Variants in ALKBH8 observed in about 807,000 individuals in gnomAD.
ALKBH8 encodes the protein alkB homolog 8, tRNA methyltransferase.
ALKBH8 carries 36 observed loss-of-function variants against 59.8 expected under a neutral mutation model. The observed-to-expected ratio is 0.60, with a 90% CI of 0.46 to 0.79. The LOEUF is 0.79. ALKBH8 is among the 30% of genes least tolerant of loss of function. The pLI is 0.00. For missense variants in ALKBH8, 768 were observed against 801.0 expected, an observed-to-expected ratio of 0.96 and a Z score of 0.50; for synonymous variants, 276 against 273.6, an observed-to-expected ratio of 1.01 and a Z score of -0.09.
intron 11 of ALKBH8, among the ~76,000 whole-genome samples, chr11:107,506,187 G>A (rs759104020): frequency 3.3e-5 from 5 of 152,136 alleles, no homozygotes; most frequent in Non-Finnish European, 5.9e-5. Flanking sequence ...CATTACAGAA[G>A]TAGGAACAAA....
intron 10 of ALKBH8, among the ~76,000 whole-genome samples, chr11:107,519,332 C>A (rs952661760): frequency 6.6e-6 from 1 of 151,852 alleles, no homozygotes; most frequent in African/African-American, 2.4e-5. Context: ...CTCGAACTCT[C>A]AACCTCAGGT....
At position 107,504,390 on chromosome 11, in the gene ALKBH8, G is replaced by C; in HGVS notation, c.*268C>G. 1.7e-6 allele frequency: 1 copy of C among 585,090 alleles called. No homozygotes were observed. The highest frequency in any genetic ancestry group is 3.0e-6 in the Non-Finnish European group (1 of 333,988). 36.2% of individuals were successfully genotyped at this position (585,090 alleles called of 1,614,324 possible). The stretch of plus-strand genomic sequence containing the variant: ...TTCAAAATCCTGGGCTCTTACCCAA[G>C]AATTACAAACACTGCACAAACTGCT... On this transcript the variant is annotated 3_prime_UTR_variant, in exon 12 of 12. Coordinates refer to ENST00000428149, the MANE Select transcript of ALKBH8 (RefSeq NM_138775.3).
chr11:107,559,485 G>A (rs1288264888), intron 2 of ALKBH8, among the ~76,000 whole-genome samples: 1 of 151,762 alleles, frequency 6.6e-6, no homozygotes, highest in Non-Finnish European at 1.5e-5. Flanking sequence ...AGCTTCAGAG[G>A]GGTCAAAGAA....
In ALKBH8 at chr11:107,504,190, A is replaced by C. The variant is rs1158670744; in HGVS notation, c.*468T>G. On this transcript the variant is annotated 3_prime_UTR_variant, in exon 12 of 12. Transcript: ENST00000428149. ...CTATACGTCCAGCCCTGGGCTAGTC[A>C]GGCATGGAAATAGAATGGTTATTGT... 1 of 305,806 alleles carries C rather than the reference A, an allele frequency of 3.3e-6. No homozygotes were observed. Among genetic ancestry groups the C allele is most frequent in the Non-Finnish European group, 5.9e-6 (1 of 168,820 alleles). 18.9% of individuals were successfully genotyped at this position (305,806 alleles called of 1,614,324 possible). A position where few individuals can be genotyped will look rare whatever the true frequency, so the allele number is the denominator to read the frequency against.
chr11:107,527,193 T>C (rs1284804639), intron 8 of ALKBH8, among the ~76,000 whole-genome samples: 6 of 151,974 alleles, frequency 3.9e-5, no homozygotes, highest in Admixed American at 6.5e-5. Context: ...ATAATTTTTC[T>C]AGAATTTTCA....
chr11:107,532,588 C>CA (rs1052886767), intron 7 of ALKBH8, among the ~76,000 whole-genome samples, 182 bp from the exon 8 acceptor site: 5 of 151,586 alleles, frequency 3.3e-5, no homozygotes, highest in East Asian at 1.9e-4. Context: ...AACTGAATGA[C>CA]AAAAAAAAGG....
In ALKBH8 at chr11:107,510,975, A is replaced by G; in HGVS notation, c.1349T>C (p.Phe450Ser). The G allele has an allele frequency of 6.4e-7, 1 of 1,551,914 alleles. No homozygotes were observed. The highest frequency in any genetic ancestry group is 8.7e-7 in the Non-Finnish European group (1 of 1,146,992). Reference sequence around the variant, plus strand: ...TGGTACTGCCAATGCATCACAGACAAAAGCCTGAAATTGCCTCTCTCTACA... The same window carrying G: ...TGGTACTGCCAATGCATCACAGACAGAAGCCTGAAATTGCCTCTCTCTACA... The part of the protein sequence containing the change: ...DICRERQFQA[F>S]VCDALAVPVR... Residue 450 changes from phenylalanine to serine, a missense_variant, in exon 11 of 12, where the codon TTT becomes TCT. Physicochemically the swap from Phe to Ser is radical, Grantham distance 155. Transcript: ENST00000428149.
At chr11:107,518,561 C>A (rs1862968029) in intron 10 of ALKBH8, among the ~76,000 whole-genome samples, 1 of 152,250 alleles carries the variant, frequency 6.6e-6, no homozygotes, top group South Asian at 2.1e-4. Flanking sequence ...AACACCTGGC[C>A]CGCCCAGGGC....
Position 107,510,894 on chromosome 11 carries a change from GCAAAATGAT to G in ALKBH8, c.1421_1429del (p.His474_Ala477delinsPro), listed in dbSNP as rs1565312540. The G allele has an allele frequency of 1.9e-6, 3 of 1,551,284 alleles. No homozygotes were observed. In the East Asian group the frequency reaches 7.3e-5, roughly 38 times the overall value. On this transcript the variant is annotated inframe_deletion, in exon 11 of 12. Coordinates refer to ENST00000428149, the MANE Select transcript of ALKBH8 (RefSeq NM_138775.3). ...AAGAAAGACCATACTTACTGCTGTT[GCAAAATGAT>G]GAATAACAGCAATGGAGATGCAGGC...
At chr11:107,534,791 A>C (rs1012860848) in intron 7 of ALKBH8, among the ~76,000 whole-genome samples, 6 of 150,752 alleles carry the variant, frequency 4.0e-5, no homozygotes, top group Non-Finnish European at 8.8e-5. Context: ...TTTGGGGAAC[A>C]GGTGGTGTTT....
Position 107,532,408 on chromosome 11 carries a change from T to A in ALKBH8, c.772-2A>T. ...TGGGTGCTTAAAATCCATGACAATCTTGAAGCAAAGATAAAAGCATAAAGA... is the reference window on the plus strand; with the variant it reads ...TGGGTGCTTAAAATCCATGACAATCATGAAGCAAAGATAAAAGCATAAAGA... On this transcript the variant is annotated splice_acceptor_variant, in intron 7 of 11. Coordinates refer to ENST00000428149, the MANE Select transcript of ALKBH8 (RefSeq NM_138775.3). LOFTEE classifies it high-confidence loss of function. 1.2e-6 allele frequency: 2 copies of A among 1,611,602 alleles called. No individual in the cohort carries two copies. Among genetic ancestry groups the A allele is most frequent in the Non-Finnish European group, 1.7e-6 (2 of 1,177,942 alleles).
At chr11:107,549,719 T>C (rs1036776140) in intron 7 of ALKBH8, 34 bp downstream of exon 7, 1 of 1,410,592 alleles carries the variant, frequency 7.1e-7, no homozygotes, top group Non-Finnish European at 9.8e-7. Flanking sequence ...CAAGGTAAGA[T>C]ATATGATGAT....
At position 107,522,442 on chromosome 11, in the gene ALKBH8, T is replaced by C; in HGVS notation, c.1144A>G (p.Ile382Val). The change falls in exon 10 of 12, where the codon ATT becomes GTT. Residue 382 changes from isoleucine to valine, a missense_variant. By Grantham distance (29) the Ile-to-Val change is conservative (BLOSUM62 3). Transcript: ENST00000428149. ...CTTGTGCTGCTGAAGTGCCCAGCAA[T>C]CTCTTCATAAACCTGATGGACGTAC... ...QEYVHQVYEE[I>V]AGHFSSTRHT... The C allele has an allele frequency of 6.4e-7, 1 of 1,551,722 alleles. No homozygotes were observed. Among genetic ancestry groups the C allele is most frequent in the Non-Finnish European group, 8.7e-7 (1 of 1,147,004 alleles).
At chr11:107,562,177 T>C (rs1269585875) in intron 1 of ALKBH8, among the ~76,000 whole-genome samples, 2 of 151,922 alleles carry the variant, frequency 1.3e-5, no homozygotes, top group South Asian at 2.1e-4. Context: ...TGGGCACCTG[T>C]AGTCCCAACT....
intron 3 of ALKBH8, 112 bp downstream of exon 3, chr11:107,556,653 CT>C: frequency 1.5e-6 from 1 of 664,534 alleles, no homozygotes. Context: ...GTAAAAGGAG[CT>C]GCTAACCTGC....
In ALKBH8 at chr11:107,560,809, A is replaced by G; in HGVS notation, c.85T>C (p.Leu29=). ...LRKQIKAKHT[L]LRHEGIETVS... is the part of the protein sequence containing the mutation. ...GTCTCAATGCCTTCATGTCTCAGCA[A>G]AGTATGCTTGGCTTTAATCTGTTTC... The change falls in exon 2 of 12, where the codon TTG becomes CTG. Residue 29 remains leucine, a synonymous_variant. Transcript: ENST00000428149. 13 of 1,613,406 alleles carry G rather than the reference A, an allele frequency of 8.1e-6. No homozygotes were observed. The highest frequency in any genetic ancestry group is 1.1e-5 in the Non-Finnish European group (13 of 1,179,626).
rs536985715 is a variant in ALKBH8, at chr11:107,527,062, C to T, written c.879-1470G>A. Among the ~76,000 whole-genome samples the T allele has an allele frequency of 5.3e-5, 8 of 151,962 alleles. No individual in the cohort carries two copies. In the East Asian group the frequency reaches 9.7e-4, roughly 18 times the overall value. On this transcript the variant is annotated intron_variant, in intron 8 of 11. Transcript: ENST00000428149. ...CACATTTCCTTATAAATTTTAGAAT[C>T]GGTTTGTCAATTTTGTCAAAAAAAG... is the stretch of plus-strand genomic sequence containing the variant.
At position 107,522,509 on chromosome 11, in the gene ALKBH8, TGAGGGGG is replaced by T; in HGVS notation, c.1070_1076del (p.Pro357HisfsTer43). On this transcript the variant is annotated frameshift_variant, in exon 10 of 12. Transcript: ENST00000428149. LOFTEE classifies it high-confidence loss of function. ...AGGCTTCTTTATCACTCTCTGGAAA[TGAGGGGG>T]GAGTCTCTTTCCTCTGGCTATCACA... 6.4e-7 allele frequency: 1 copy of T among 1,551,610 alleles called. No homozygotes were observed. The highest frequency in any genetic ancestry group is 8.7e-7 in the Non-Finnish European group (1 of 1,146,938).
chr11:107,504,492 A>T lies in ALKBH8; in HGVS notation c.*166T>A, dbSNP rs773864822. On this transcript the variant is annotated 3_prime_UTR_variant, in exon 12 of 12. Transcript: ENST00000428149. Reference sequence around the variant, plus strand: ...CACATCTGTGATGTCAGCCAACAGGAGACATTTGAATGTCTCCTAATGAAT... The same window carrying T: ...CACATCTGTGATGTCAGCCAACAGGTGACATTTGAATGTCTCCTAATGAAT... The T allele has an allele frequency of 8.7e-6, 7 of 805,682 alleles. No individual in the cohort carries two copies. The highest frequency in any genetic ancestry group is 2.6e-4 in the Middle Eastern group (1 of 3,774). 49.9% of individuals were successfully genotyped at this position (805,682 alleles called of 1,614,324 possible).
Sources: gnomAD v4.1 joint callset for allele counts (sites outside exome capture counted in the v4.1 genomes callset) on GRCh38, gnomAD v4.1.1 for gene constraint, MANE v1.5 for transcripts, NCBI Gene and HGNC (gene_info 2026-07-23, HGNC 2026-07-21) for gene names.